PALLD: variants seen among roughly 807,000 people sequenced by gnomAD.
PALLD encodes palladin.
In PALLD, 61 loss-of-function variants were observed where a neutral mutation model predicts 123.5. That is an observed-to-expected ratio of 0.49 (90% CI 0.40 to 0.61). The LOEUF (loss-of-function observed/expected upper bound fraction) is 0.61. PALLD is among the 20% of genes least tolerant of loss of function. The pLI, the probability that PALLD is intolerant of heterozygous loss-of-function variation, is 0.00. For missense variants in PALLD, 1,273 were observed against 1,377.0 expected (o/e 0.92, Z 1.20); for synonymous variants, 465 against 496.4 (o/e 0.94, Z 0.84).
At chr4:168,819,506 A>C (rs1191082682) in intron 10 of PALLD, among the ~76,000 whole-genome samples, 3 of 152,216 alleles carry the variant, frequency 2.0e-5, no homozygotes, top group African/African-American at 7.2e-5. Flanking sequence ...TAAAGCCCTG[A>C]ATGGCAATTG....
At chr4:168,562,199 T>C (rs1293723033) in intron 2 of PALLD, among the ~76,000 whole-genome samples, 1 of 152,176 alleles carries the variant, frequency 6.6e-6, no homozygotes, top group Non-Finnish European at 1.5e-5. Context: ...AGGAAGAACA[T>C]CATTTCTACA....
chr4:168,694,938 G>T (rs1307008925), intron 8 of PALLD, among the ~76,000 whole-genome samples: 1 of 152,190 alleles, frequency 6.6e-6, no homozygotes, highest in East Asian at 1.9e-4. Context: ...TAGTCTGGGG[G>T]TGGGGGACAC....
intron 2 of PALLD, among the ~76,000 whole-genome samples, chr4:168,640,462 C>A (rs1268373290): frequency 6.6e-6 from 1 of 152,182 alleles, no homozygotes; most frequent in Non-Finnish European, 1.5e-5. Context: ...TTGGATAAAG[C>A]CAGTAGTCCA....
intron 10 of PALLD, among the ~76,000 whole-genome samples, chr4:168,816,056 C>T (rs1301850163): frequency 6.6e-6 from 1 of 152,096 alleles, no homozygotes; most frequent in Non-Finnish European, 1.5e-5. Context: ...TAATGAATAC[C>T]ACCATCCGCT....
intron 10 of PALLD, among the ~76,000 whole-genome samples, chr4:168,811,772 T>TCA (rs1290275045): frequency 4.3e-4 from 42 of 98,394 alleles, no homozygotes; most frequent in African/African-American, 7.9e-4. Flanking sequence ...TCTCTCTCTC[T>TCA]CTCTCACACA....
intron 10 of PALLD, among the ~76,000 whole-genome samples, chr4:168,848,079 A>C (rs1420412263): frequency 2.6e-5 from 4 of 152,058 alleles, no homozygotes; most frequent in African/African-American, 4.8e-5. Flanking sequence ...AGGGGGTGCT[A>C]AGTTCCTGGA....
At chr4:168,681,495 G>T in intron 4 of PALLD, 97 bp downstream of exon 4, 3 of 689,530 alleles carry the variant, frequency 4.4e-6, no homozygotes, top group East Asian at 3.2e-5. Context: ...GAAGAAAAAA[G>T]TCAACTGATG....
At chr4:168,543,537 A>C (rs1353848090) in intron 2 of PALLD, among the ~76,000 whole-genome samples, 1 of 151,608 alleles carries the variant, frequency 6.6e-6, no homozygotes, top group Non-Finnish European at 1.5e-5. Context: ...AGATGATTGA[A>C]TGCAAATGGC....
chr4:168,861,082 T>C (rs1480039644), intron 10 of PALLD, among the ~76,000 whole-genome samples: 1 of 152,166 alleles, frequency 6.6e-6, no homozygotes, highest in Non-Finnish European at 1.5e-5. Context: ...GCTGATAACT[T>C]AGGAAATATT....
chr4:168,648,087 G>A (rs1243648604), intron 2 of PALLD: 3 of 152,066 alleles, frequency 2.0e-5, no homozygotes, highest in Admixed American at 6.6e-5. Context: ...ACTCCCCCCT[G>A]ACTCCTGGTT....
At chr4:168,539,398 G>T (rs904357101) in intron 2 of PALLD, among the ~76,000 whole-genome samples, 1 of 151,966 alleles carries the variant, frequency 6.6e-6, no homozygotes, top group South Asian at 2.1e-4. Context: ...GACCAGCCTG[G>T]CTAACATGGA....
intron 10 of PALLD, among the ~76,000 whole-genome samples, chr4:168,792,247 C>T (rs1357210897): frequency 2.0e-5 from 3 of 152,014 alleles, no homozygotes; most frequent in East Asian, 3.9e-4. Context: ...CCTCATGTCG[C>T]ATCACGGAGC....
intron 2 of PALLD, among the ~76,000 whole-genome samples, chr4:168,528,876 G>C (rs1764323204): frequency 6.6e-6 from 1 of 152,096 alleles, no homozygotes; most frequent in South Asian, 2.1e-4. Flanking sequence ...TGTTATCCTG[G>C]AATGAGTAAA....
At chr4:168,705,844 T>C (rs1203421030) in intron 8 of PALLD, among the ~76,000 whole-genome samples, 1 of 152,136 alleles carries the variant, frequency 6.6e-6, no homozygotes, top group Non-Finnish European at 1.5e-5. Context: ...GGTTTCACCA[T>C]GTTGCCCAGG....
intron 10 of PALLD, among the ~76,000 whole-genome samples, chr4:168,714,440 A>G (rs1196371004): frequency 6.6e-6 from 1 of 152,230 alleles, no homozygotes; most frequent in Non-Finnish European, 1.5e-5. Flanking sequence ...TGTATTATTG[A>G]TAGAGAAATA....
At chr4:168,742,278 T>G (rs1788426548) in intron 10 of PALLD, among the ~76,000 whole-genome samples, 1 of 152,230 alleles carries the variant, frequency 6.6e-6, no homozygotes, top group East Asian at 1.9e-4. Flanking sequence ...CTTTTTTATC[T>G]GACCTATGCT....
intron 2 of PALLD, among the ~76,000 whole-genome samples, chr4:168,651,884 A>T (rs1032433459): frequency 6.6e-6 from 1 of 152,230 alleles, no homozygotes; most frequent in African/African-American, 2.4e-5. Flanking sequence ...AACAAAAGTG[A>T]ATAGCTAAAA....
intron 10 of PALLD, among the ~76,000 whole-genome samples, chr4:168,818,420 G>T (rs1328368741): frequency 2.6e-5 from 4 of 152,042 alleles, no homozygotes; most frequent in Non-Finnish European, 5.9e-5. Context: ...CAATATAATG[G>T]GACTCCATCT....
At chr4:168,791,251 C>T (rs937072624) in intron 10 of PALLD, among the ~76,000 whole-genome samples, 4 of 152,192 alleles carry the variant, frequency 2.6e-5, no homozygotes, top group Middle Eastern at 3.2e-3. Context: ...ATAGTCCTTT[C>T]TCCAAAATGA....
Sources: gnomAD v4.1 joint callset for allele counts (sites outside exome capture counted in the v4.1 genomes callset) on GRCh38, gnomAD v4.1.1 for gene constraint, MANE v1.5 for transcripts, NCBI Gene and HGNC (gene_info 2026-07-23, HGNC 2026-07-21) for gene names.